The following MIA2 variants were observed in gnomAD, a reference collection of about 807,000 sequenced individuals.
The protein encoded by MIA2 is MIA SH3 domain ER export factor 2.
Under a neutral mutation model 167.8 loss-of-function variants are expected in MIA2, and 127 were observed. That is an observed-to-expected ratio of 0.76 (90% CI 0.66 to 0.88). MIA2 has a LOEUF of 0.88. Among genes scored for constraint, MIA2 ranks in the 40% least tolerant of loss-of-function variants. The pLI is 0.00. For missense variants in MIA2, 1,690 were observed against 1,624.7 expected, an observed-to-expected ratio of 1.04 and a Z score of -0.69; for synonymous variants, 552 against 541.9, an observed-to-expected ratio of 1.02 and a Z score of -0.26.
At chr14:39,371,648 A>G (rs2074949436) in intron 23 of MIA2, among the ~76,000 whole-genome samples, 1 of 152,262 alleles carries the variant, frequency 6.6e-6, no homozygotes, top group South Asian at 2.1e-4. Flanking sequence ...AATTTTGTAT[A>G]AAGAGCAGTT....
chr14:39,286,793 A>G (rs1405122919), intron 9 of MIA2, among the ~76,000 whole-genome samples: 1 of 149,094 alleles, frequency 6.7e-6, no homozygotes, highest in Non-Finnish European at 1.5e-5. Flanking sequence ...TCCCGGGTTC[A>G]AGTGATTCTC....
At chr14:39,284,735 GTTTTC>G (rs943772403) in intron 9 of MIA2, among the ~76,000 whole-genome samples, 15 of 150,284 alleles carry the variant, frequency 1.0e-4, no homozygotes, top group African/African-American at 3.2e-4. Context: ...AAATAGGATT[GTTTTC>G]TTTTTTTTTC....
At chr14:39,259,281 A>G (rs2054966448) in intron 6 of MIA2, among the ~76,000 whole-genome samples, 2 of 152,168 alleles carry the variant, frequency 1.3e-5, no homozygotes, top group Non-Finnish European at 2.9e-5. Context: ...CCTTTCCTTC[A>G]GAGATGCCCT....
At position 39,320,953 on chromosome 14, in the gene MIA2, A is replaced by G. The variant is rs147531688; in HGVS notation, c.3393A>G (p.Pro1131=). Residue 1131 remains proline, a synonymous_variant, in exon 24 of 29, where the codon CCA becomes CCG. Transcript: ENST00000640607. ...AGCATTCCCCATATGGTCCCTCACCATTGGGTTGGCCTTCATCTGAAACAA... is the reference window on the plus strand; with the variant it reads ...AGCATTCCCCATATGGTCCCTCACCGTTGGGTTGGCCTTCATCTGAAACAA... ...GREHSPYGPS[P]LGWPSSETRA... 54 of 1,613,472 alleles carry G rather than the reference A, an allele frequency of 3.3e-5. No individual in the cohort carries two copies. In the African/African-American group the frequency reaches 6.1e-4, roughly 18 times the overall value.
chr14:39,282,175 C>T (rs969056325), intron 9 of MIA2, among the ~76,000 whole-genome samples: 1 of 152,140 alleles, frequency 6.6e-6, no homozygotes. Context: ...TGTCGTCTCT[C>T]TTCAGTGAGG....
intron 23 of MIA2, chr14:39,385,707 C>T: frequency 2.0e-6 from 2 of 991,458 alleles, no homozygotes; most frequent in Admixed American, 1.7e-5. Flanking sequence ...ACAGTGGTAA[C>T]AGACTATAGT....
chr14:39,346,401 A>T (rs1042419219), intron 26 of MIA2, among the ~76,000 whole-genome samples: 1 of 152,310 alleles, frequency 6.6e-6, no homozygotes, highest in Admixed American at 6.5e-5. Flanking sequence ...AACAATTTAG[A>T]TGCATGCTCT....
At chr14:39,297,911 G>A (rs188281867) in intron 13 of MIA2, among the ~76,000 whole-genome samples, 10 of 152,122 alleles carry the variant, frequency 6.6e-5, no homozygotes, top group Admixed American at 3.9e-4. Flanking sequence ...ACTTTTGGGT[G>A]TTCCTACCTT....
chr14:39,374,487 A>T (rs1408316053), intron 23 of MIA2, among the ~76,000 whole-genome samples: 2 of 152,264 alleles, frequency 1.3e-5, no homozygotes, highest in Non-Finnish European at 2.9e-5. Flanking sequence ...GATGATGGCT[A>T]TCTTTTTTTG....
In MIA2 at chr14:39,302,161, T is replaced by C. The variant is rs775055833; in HGVS notation, c.2652T>C (p.Asp884=). The change falls in exon 15 of 29, where the codon GAT becomes GAC. Residue 884 remains aspartate, a synonymous_variant. Transcript: ENST00000640607. ...TLTERLLKMK[D]WAAMLGEDIT... The stretch of plus-strand genomic sequence containing the variant: ...CTGAACGCTTGTTAAAGATGAAAGA[T>C]TGGGCTGCTATGCTTGGAGAAGACA... The C allele has an allele frequency of 6.2e-7, 1 of 1,613,708 alleles. No individual in the cohort carries two copies. The highest frequency in any genetic ancestry group is 1.7e-5 in the Admixed American group (1 of 60,000).
chr14:39,247,139 A>G lies in MIA2; in HGVS notation c.565A>G (p.Ser189Gly), dbSNP rs1413358490. 1.2e-6 allele frequency: 2 copies of G among 1,613,914 alleles called. No homozygotes were observed. Among genetic ancestry groups the G allele is most frequent in the Non-Finnish European group, 1.7e-6 (2 of 1,180,002 alleles). Residue 189 changes from serine to glycine, a missense_variant, in exon 4 of 29, where the codon AGT becomes GGT. By Grantham distance (56) the Ser-to-Gly change is moderately conservative. Transcript: ENST00000640607. ...ATTAGAGGCTCCTGAAGATATCGGA[A>G]GTACCAGTGAATCAAAAGACTGGGA... ...PALEAPEDIG[S>G]TSESKDWEEV...
chr14:39,353,783 C>T (rs2074452965), downstream of MIA2, among the ~76,000 whole-genome samples: 1 of 152,162 alleles, frequency 6.6e-6, no homozygotes, highest in Non-Finnish European at 1.5e-5. Context: ...TCTCATTGTT[C>T]AATTCCCACC....
At chr14:39,344,340 T>A (rs1053249915) in intron 25 of MIA2, among the ~76,000 whole-genome samples, 1 of 152,216 alleles carries the variant, frequency 6.6e-6, no homozygotes, top group Non-Finnish European at 1.5e-5. Flanking sequence ...ATTTAATTAA[T>A]CCTTTGTTTG....
At chr14:39,293,426 C>G in intron 11 of MIA2, 45 bp downstream of exon 11, 1 of 1,244,924 alleles carries the variant, frequency 8.0e-7, no homozygotes, top group South Asian at 1.3e-5. Flanking sequence ...AAGAAAGTTA[C>G]TGAGCTTTAA....
chr14:39,238,000 A>G (rs1424351359), intron 2 of MIA2, among the ~76,000 whole-genome samples: 1 of 151,874 alleles, frequency 6.6e-6, no homozygotes, highest in East Asian at 1.9e-4. Context: ...TTGGCCTTCC[A>G]AAGAGCTGGG....
chr14:39,382,025 A>G (rs1374520276), intron 23 of MIA2, among the ~76,000 whole-genome samples: 1 of 152,178 alleles, frequency 6.6e-6, no homozygotes, highest in Non-Finnish European at 1.5e-5. Flanking sequence ...CAGGCTAAAG[A>G]CTGTTCTCTA....
intron 23 of MIA2, among the ~76,000 whole-genome samples, chr14:39,364,746 T>C (rs1233555483): frequency 2.0e-5 from 3 of 152,088 alleles, no homozygotes; most frequent in Non-Finnish European, 4.4e-5. Context: ...TTTGTTTTGT[T>C]TTGTTTTTTT....
At position 39,239,691 on chromosome 14, in the gene MIA2, G is replaced by A. The variant is rs143386831; in HGVS notation, c.250-870G>A. On this transcript the variant is annotated intron_variant, in intron 2 of 28. Transcript: ENST00000640607. ...AAGCATTCTTTTTTATTTACTATAC[G>A]TGAAAATAATGGTTCCACACAAAAG... 9.9e-5 allele frequency among the ~76,000 whole-genome samples: 15 copies of A among 152,236 alleles called. No homozygotes were observed. The East Asian group carries it at 2.7e-3, about 27-fold the overall frequency.
intron 4 of MIA2, among the ~76,000 whole-genome samples, chr14:39,251,463 A>G (rs140760825): frequency 1.3e-5 from 2 of 152,206 alleles, no homozygotes; most frequent in Admixed American, 1.3e-4. Flanking sequence ...ATAATTAAAT[A>G]TGAAAATAGT....
Sources: gnomAD v4.1 joint callset for allele counts (sites outside exome capture counted in the v4.1 genomes callset) on GRCh38, gnomAD v4.1.1 for gene constraint, MANE v1.5 for transcripts, NCBI Gene and HGNC (gene_info 2026-07-23, HGNC 2026-07-21) for gene names.